BACH2: variants seen among roughly 807,000 people sequenced by gnomAD.
The protein encoded by BACH2 is BACH transcriptional regulator 2, also known as transcription regulator protein BACH2.
BACH2 carries 5 observed loss-of-function variants against 61.8 expected under a neutral mutation model. That is an observed-to-expected ratio of 0.08 (90% CI 0.04 to 0.17). BACH2 has a LOEUF of 0.17. Among genes scored for constraint, BACH2 ranks in the 10% least tolerant of loss-of-function variants. The pLI is 1.00. For synonymous variants in BACH2, 446 were observed against 440.1 expected, an observed-to-expected ratio of 1.01 and a Z score of -0.17; for missense variants, 824 against 1,091.1, an observed-to-expected ratio of 0.76 and a Z score of 3.45.
Position 90,174,447 on chromosome 6 carries a change from T to C in BACH2, c.-162+32122A>G, listed in dbSNP as rs1316201964. On this transcript the variant is annotated intron_variant, in intron 4 of 8. Coordinates refer to ENST00000257749, the MANE Select transcript of BACH2 (RefSeq NM_021813.4). The stretch of plus-strand genomic sequence containing the variant: ...CAACCCTATAACAAATACCATACTT[T>C]ATAATATAAATGAAAAGTTAAAGTT... Among the ~76,000 whole-genome samples, 5 of 152,054 alleles carry C rather than the reference T, an allele frequency of 3.3e-5. No homozygotes were observed. The East Asian group carries it at 9.6e-4, about 29-fold the overall frequency.
chr6:90,264,553 G>A (rs1582547183), intron 2 of BACH2, among the ~76,000 whole-genome samples: 1 of 152,180 alleles, frequency 6.6e-6, no homozygotes, highest in African/African-American at 2.4e-5. Context: ...AATTGTAAAT[G>A]CATTTCTTGA....
rs536262907 is a variant in BACH2, at chr6:89,932,435, G to A, written c.2499C>T (p.Asp833=). 38 of 1,613,840 alleles carry A rather than the reference G, an allele frequency of 2.4e-5. No homozygotes were observed. Among genetic ancestry groups the A allele is most frequent in the African/African-American group, 2.1e-4 (16 of 75,028 alleles). The change falls in exon 9 of 9, where the codon GAC becomes GAT. Residue 833 remains aspartate (D), a synonymous_variant. Coordinates refer to ENST00000257749, the MANE Select transcript of BACH2 (RefSeq NM_021813.4). ...AGGTATAATCTTTCCTGGGCTGTTC[G>A]TCAGTTGTACACTTATCAGTCATTT... ...CQEMTDKCTT[D]EQPRKDYT
Position 89,971,885 on chromosome 6 carries a change from G to C in BACH2, c.244-20023C>G, listed in dbSNP as rs149086902. Among the ~76,000 whole-genome samples the C allele has an allele frequency of 5.5e-3, 833 of 152,284 alleles. 7 individuals are homozygous for C. The highest frequency in any genetic ancestry group is 0.01 in the Middle Eastern group (3 of 294). The stretch of plus-strand genomic sequence containing the variant: ...CCTCCCACAACACATGGGAATTATG[G>C]GAGCTAAAATTCAAGATGAGATGTG... On this transcript the variant is annotated intron_variant, in intron 6 of 8. Coordinates refer to ENST00000257749, the MANE Select transcript of BACH2 (RefSeq NM_021813.4).
intron 5 of BACH2, among the ~76,000 whole-genome samples, chr6:90,062,630 T>C (rs1780743215): frequency 6.6e-6 from 1 of 152,226 alleles, no homozygotes; most frequent in Non-Finnish European, 1.5e-5. Context: ...AAGACCTTTA[T>C]GTATTTGAAA....
intron 3 of BACH2, among the ~76,000 whole-genome samples, chr6:90,243,264 C>A (rs770698872): frequency 5.3e-5 from 8 of 151,154 alleles, no homozygotes; most frequent in Non-Finnish European, 1.2e-4. Flanking sequence ...CTTTAAAAAT[C>A]CTTTACAGTC....
chr6:90,159,437 A>G (rs1400580690), intron 4 of BACH2, among the ~76,000 whole-genome samples: 1 of 152,260 alleles, frequency 6.6e-6, no homozygotes, highest in African/African-American at 2.4e-5. Flanking sequence ...TAAGGCAACT[A>G]AAGGCAAAGG....
At chr6:90,165,031 C>G (rs1385035343) in intron 4 of BACH2, among the ~76,000 whole-genome samples, 1 of 152,306 alleles carries the variant, frequency 6.6e-6, no homozygotes, top group East Asian at 1.9e-4. Flanking sequence ...TCTCACCACT[C>G]TTATTCAACA....
rs1374387207 is a variant in BACH2, at chr6:89,950,623, G to C, written c.1483C>G (p.Arg495Gly). The change falls in exon 7 of 9, where the codon CGG (arginine) becomes GGG (glycine). Residue 495 changes from arginine to glycine, a missense_variant. Physicochemically the swap from Arg to Gly is moderately radical, Grantham distance 125. Around this residue, in one of 8 missense-constraint regions of BACH2, gnomAD observed 102 missense variants for 98.1 expected, o/e 1.04. Transcript: ENST00000257749. The surrounding 1 kb of genome is among the most constrained non-coding windows in gnomAD (Gnocchi z 5.3). ...GGTACCGGGCAGCTGGTGTTGGGCC[G>C]CATCCTTCCTGGCAAGTGGTCGGCC... ...LMADHLPGRM[R>G]PNTSCPVPIK... 1 of 1,613,930 alleles carries C rather than the reference G, an allele frequency of 6.2e-7. No homozygotes were observed. Among genetic ancestry groups the C allele is most frequent in the Non-Finnish European group, 8.5e-7 (1 of 1,179,950 alleles).
At chr6:90,206,220 C>CT (rs1363124140) in intron 4 of BACH2, among the ~76,000 whole-genome samples, 2 of 152,274 alleles carry the variant, frequency 1.3e-5, no homozygotes, top group Middle Eastern at 3.4e-3. Flanking sequence ...GGCCACTTGT[C>CT]TAGGGTCACT....
intron 5 of BACH2, among the ~76,000 whole-genome samples, chr6:90,073,510 T>G (rs1274274672): frequency 1.3e-5 from 2 of 152,222 alleles, no homozygotes; most frequent in African/African-American, 4.8e-5. Flanking sequence ...CTGCAAATAC[T>G]TGAAAACCTT....
chr6:89,992,672 C>T (rs765613319), intron 6 of BACH2, among the ~76,000 whole-genome samples: 3 of 150,608 alleles, frequency 2.0e-5, no homozygotes, highest in Non-Finnish European at 4.4e-5. Context: ...AACAAACAAA[C>T]AAAAAAAAAC....
At chr6:90,141,886 A>C (rs1784474195) in intron 4 of BACH2, among the ~76,000 whole-genome samples, 1 of 152,120 alleles carries the variant, frequency 6.6e-6, no homozygotes, top group African/African-American at 2.4e-5. Context: ...TTCGAGACCA[A>C]CCTGGCCAAC....
chr6:90,239,495 A>C (rs972784876), intron 3 of BACH2, among the ~76,000 whole-genome samples: 2 of 152,328 alleles, frequency 1.3e-5, no homozygotes, highest in Middle Eastern at 3.4e-3. Flanking sequence ...CAAGGTCCCC[A>C]TGAAACATTA....
chr6:89,936,812 G>A (rs140778023), intron 8 of BACH2, among the ~76,000 whole-genome samples: 31 of 152,132 alleles, frequency 2.0e-4, no homozygotes, highest in Non-Finnish European at 3.2e-4. Context: ...TTGTGCTTTC[G>A]TTCTCATTAG....
chr6:90,008,304 A>G lies in BACH2; in HGVS notation c.243+298T>C. 1 of 457,484 alleles carries G rather than the reference A, an allele frequency of 2.2e-6. No individual in the cohort carries two copies. Among genetic ancestry groups the G allele is most frequent in the Admixed American group, 3.5e-5 (1 of 28,716 alleles). 28.3% of individuals were successfully genotyped at this position (457,484 alleles called of 1,614,324 possible). On this transcript the variant is annotated intron_variant, in intron 6 of 8. Coordinates refer to ENST00000257749, the MANE Select transcript of BACH2 (RefSeq NM_021813.4). The surrounding 1 kb of genome is among the most constrained non-coding windows in gnomAD (Gnocchi z 4.1). ...CAATGATTCAGATCCCACATCTAGGACTGTGCCAAACTTAGGCTGAACCAC... is the reference window on the plus strand; with the variant it reads ...CAATGATTCAGATCCCACATCTAGGGCTGTGCCAAACTTAGGCTGAACCAC...
intron 6 of BACH2, among the ~76,000 whole-genome samples, chr6:89,959,141 A>G (rs1292728511): frequency 7.8e-6 from 1 of 129,010 alleles, no homozygotes; most frequent in Non-Finnish European, 1.7e-5. Context: ...ACACACACAC[A>G]CACACAGTTA....
chr6:89,968,867 T>C (rs1775191646), intron 6 of BACH2, among the ~76,000 whole-genome samples: 2 of 151,960 alleles, frequency 1.3e-5, no homozygotes, highest in African/African-American at 2.4e-5. Context: ...AAACATTAGC[T>C]GGGTGTGGTG....
intron 4 of BACH2, among the ~76,000 whole-genome samples, chr6:90,149,103 G>C (rs1008486770): frequency 6.6e-5 from 10 of 152,244 alleles, no homozygotes; most frequent in African/African-American, 2.4e-4. Flanking sequence ...TGGAGTGGAA[G>C]TGATGCGGAT....
chr6:89,941,934 GA>G (rs1322595863), intron 7 of BACH2, among the ~76,000 whole-genome samples: 2 of 151,920 alleles, frequency 1.3e-5, no homozygotes, highest in East Asian at 1.9e-4. Context: ...CCAAGAAAAA[GA>G]AAAAAATCAC....
Sources: allele counts gnomAD v4.1 joint callset (sites outside exome capture counted in the v4.1 genomes callset), GRCh38; gene constraint gnomAD v4.1.1; regional missense constraint gnomAD v4.1.1; non-coding constraint Gnocchi (gnomAD v3.1); transcripts MANE v1.5; gene names NCBI Gene and HGNC (gene_info 2026-07-23, HGNC 2026-07-21).